PGAP4: variants seen among roughly 807,000 people sequenced by gnomAD.
PGAP4 encodes GPI-N-acetylgalactosamine transferase PGAP4.
In PGAP4, 12 loss-of-function variants were observed where a neutral mutation model predicts 28.2. The ratio of observed to expected loss-of-function variants is 0.42; its 90% CI spans 0.27 to 0.69. The LOEUF (loss-of-function observed/expected upper bound fraction) is 0.69, where lower values mean the gene tolerates loss of function less well. Ranked by LOEUF, PGAP4 falls within the 30% of genes least tolerant of loss-of-function variation. The probability of loss-of-function intolerance (pLI) is 0.22; values close to 1 mark genes in which losing one functional copy is unlikely to be tolerated. For missense variants in PGAP4, 425 were observed against 513.5 expected, an observed-to-expected ratio of 0.83 and a Z score of 1.67; for synonymous variants, 205 against 211.8, an observed-to-expected ratio of 0.97 and a Z score of 0.28.
At chr9:101,502,411 G>A (rs927624365) in intron 2 of PGAP4, among the ~76,000 whole-genome samples, 1 of 152,034 alleles carries the variant, frequency 6.6e-6, no homozygotes, top group African/African-American at 2.4e-5. Context: ...AAATGCTTAT[G>A]CAGTTAAAAC....
At chr9:101,483,923 ATAAT>A (rs1826550612) in intron 1 of PGAP4, among the ~76,000 whole-genome samples, 2 of 152,216 alleles carry the variant, frequency 1.3e-5, no homozygotes, top group African/African-American at 4.8e-5. Flanking sequence ...CCCTTTCTCC[ATAAT>A]TAATCTCTAT....
chr9:101,482,965 T>A (rs1826528025), intron 1 of PGAP4, among the ~76,000 whole-genome samples: 1 of 152,210 alleles, frequency 6.6e-6, no homozygotes, highest in Admixed American at 6.5e-5. Context: ...ATGGAATTAA[T>A]CCCATTTAGT....
At chr9:101,525,464 G>A (rs1323882277) in intron 2 of PGAP4, among the ~76,000 whole-genome samples, 1 of 151,726 alleles carries the variant, frequency 6.6e-6, no homozygotes, top group Non-Finnish European at 1.5e-5. Context: ...CTCAGCACTT[G>A]GGGAGGCCGA....
At chr9:101,478,413 G>T (rs1826388674) in intron 1 of PGAP4, among the ~76,000 whole-genome samples, 1 of 152,182 alleles carries the variant, frequency 6.6e-6, no homozygotes, top group East Asian at 1.9e-4. Flanking sequence ...ACACACATTT[G>T]GAGGAAAACT....
chr9:101,511,661 G>A (rs1826900004), intron 2 of PGAP4, among the ~76,000 whole-genome samples: 1 of 152,058 alleles, frequency 6.6e-6, no homozygotes, highest in Admixed American at 6.6e-5. Flanking sequence ...GTATTGGTGA[G>A]GAAACCATTA....
rs1826259647 is a variant in PGAP4, at chr9:101,475,077, T to C, written c.*804A>G. On this transcript the variant is annotated 3_prime_UTR_variant, in exon 2 of 2. Transcript: ENST00000374848. Reference sequence around the variant, plus strand: ...CAGCCAGGAAAGTCAGGAAAAATGATATGCTACTTGTAAAGAGCTCCCCTA... The same window carrying C: ...CAGCCAGGAAAGTCAGGAAAAATGACATGCTACTTGTAAAGAGCTCCCCTA... 6.6e-6 allele frequency: 1 copy of C among 151,188 alleles called. No individual in the cohort carries two copies. Among genetic ancestry groups the C allele is most frequent in the Admixed American group, 6.6e-5 (1 of 15,122 alleles). The allele number at this position is 151,188 out of a possible 1,614,324, so 9.4% of individuals were successfully genotyped here.
chr9:101,533,298 A>G (rs1307865340), exon 1 of PGAP4: 2 of 152,048 alleles, frequency 1.3e-5, no homozygotes, highest in East Asian at 3.9e-4. Context: ...GCTTTTTTAA[A>G]AAAGCTTTTG....
upstream of PGAP4, among the ~76,000 whole-genome samples, chr9:101,491,477 T>G (rs934136989): frequency 1.3e-5 from 2 of 152,128 alleles, no homozygotes; most frequent in Admixed American, 1.3e-4. Flanking sequence ...ATTCAGAATC[T>G]GTCCCGACTG....
chr9:101,487,122 C>T lies in PGAP4; in HGVS notation c.-251G>A, dbSNP rs1483357159. On this transcript the variant is annotated 5_prime_UTR_variant, in exon 1 of 2. Coordinates refer to ENST00000374848, the MANE Select transcript of PGAP4 (RefSeq NM_032342.3). ...ACCTCCTCCCGCCTCGCAGCTCAGG[C>T]GCAGGGCTCCCCTTGCTCAGGCGGG... The T allele has an allele frequency of 2.6e-5, 4 of 152,370 alleles. No homozygotes were observed. The highest frequency in any genetic ancestry group is 5.9e-5 in the Non-Finnish European group (4 of 68,050). The allele number at this position is 152,370 out of a possible 1,614,324, so 9.4% of individuals were successfully genotyped here. A position where few individuals can be genotyped will look rare whatever the true frequency, so the allele number is the denominator to read the frequency against.
chr9:101,513,452 T>C (rs1826915262), intron 2 of PGAP4, among the ~76,000 whole-genome samples: 1 of 152,136 alleles, frequency 6.6e-6, no homozygotes, highest in African/African-American at 2.4e-5. Flanking sequence ...CTAGGAACAG[T>C]CAGACCTGTC....
intron 2 of PGAP4, among the ~76,000 whole-genome samples, chr9:101,496,285 A>G (rs1826746887): frequency 6.6e-6 from 1 of 151,540 alleles, no homozygotes; most frequent in Admixed American, 6.6e-5. Context: ...AAGAAAAAAG[A>G]TAAATCTTTT....
intron 2 of PGAP4, among the ~76,000 whole-genome samples, chr9:101,504,683 T>C (rs1826834923): frequency 6.6e-6 from 1 of 152,186 alleles, no homozygotes; most frequent in African/African-American, 2.4e-5. Flanking sequence ...TGGGCTTTAG[T>C]TTTAAAGGTA....
chr9:101,502,473 CCAAATACCTCCAATGACAGACAT>C (rs1053990337), intron 2 of PGAP4, among the ~76,000 whole-genome samples: 5 of 152,090 alleles, frequency 3.3e-5, no homozygotes, highest in Admixed American at 2.0e-4. Flanking sequence ...CCTCACCCAG[CCAAATACCTCCAATGACAGACAT>C]CAAATACCTC....
chr9:101,486,702 C>A lies in PGAP4; in HGVS notation c.-78+247G>T, dbSNP rs957033298. On this transcript the variant is annotated intron_variant, in intron 1 of 1. Transcript: ENST00000374848. The surrounding 1 kb of genome is among the most constrained non-coding windows in gnomAD (Gnocchi z 4.7). The stretch of plus-strand genomic sequence containing the variant: ...TGCGGGCCCCTGCTGCCCTGGGGAC[C>A]CCTGCGGGGTCCTCGCAATCCTCCG... 6.6e-6 allele frequency among the ~76,000 whole-genome samples: 1 copy of A among 152,124 alleles called. No individual in the cohort carries two copies. Among genetic ancestry groups the A allele is most frequent in the Non-Finnish European group, 1.5e-5 (1 of 68,010 alleles).
upstream of PGAP4, among the ~76,000 whole-genome samples, chr9:101,490,380 G>A (rs538984744): frequency 2.0e-5 from 3 of 152,072 alleles, no homozygotes; most frequent in East Asian, 3.9e-4. Context: ...AGTAGAGCTG[G>A]GGTTTCACCA....
chr9:101,513,101 GT>G (rs1176076317), intron 2 of PGAP4, among the ~76,000 whole-genome samples: 1 of 152,072 alleles, frequency 6.6e-6, no homozygotes, highest in Non-Finnish European at 1.5e-5. Flanking sequence ...CCCTTACTTT[GT>G]TAAAACTATT....
intron 2 of PGAP4, among the ~76,000 whole-genome samples, chr9:101,511,137 G>T (rs1826894994): frequency 6.6e-6 from 1 of 152,172 alleles, no homozygotes; most frequent in Admixed American, 6.5e-5. Context: ...TCACAATAGG[G>T]TTCTTATTCC....
intron 2 of PGAP4, among the ~76,000 whole-genome samples, chr9:101,528,063 A>G (rs534378571): frequency 1.3e-5 from 2 of 152,302 alleles, no homozygotes; most frequent in Non-Finnish European, 2.9e-5. Context: ...AAGCACAATT[A>G]CCCAGGGTCA....
In PGAP4 at chr9:101,481,092, G is replaced by T. The variant is rs376041128; in HGVS notation, c.-77-3923C>A. ...CTCAGTAGGCTGAGGCAGGAGGATT[G>T]CCTGAGCCCCAGCAGGTCGAGGCCG... On this transcript the variant is annotated intron_variant, in intron 1 of 1. Transcript: ENST00000374848. 9.5e-4 allele frequency among the ~76,000 whole-genome samples: 145 copies of T among 152,312 alleles called. 1 individual carries two copies. The Middle Eastern group carries it at 0.031, about 32-fold the overall frequency.
Sources: allele counts gnomAD v4.1 joint callset (sites outside exome capture counted in the v4.1 genomes callset), GRCh38; gene constraint gnomAD v4.1.1; non-coding constraint Gnocchi (gnomAD v3.1); transcripts MANE v1.5; gene names NCBI Gene and HGNC (gene_info 2026-07-23, HGNC 2026-07-21).